Variants in PCDHA2 observed in about 807,000 individuals in gnomAD.
PCDHA2 encodes protocadherin alpha 2.
In PCDHA2, 58 loss-of-function variants were observed where a neutral mutation model predicts 66.0. The ratio of observed to expected loss-of-function variants is 0.88; its 90% confidence interval spans 0.71 to 1.09. PCDHA2 has a LOEUF of 1.09. Ranked by LOEUF, PCDHA2 falls within the 50% of genes least tolerant of loss-of-function variation. The probability of loss-of-function intolerance (pLI) is 0.00; values close to 1 mark genes in which losing one functional copy is unlikely to be tolerated. For synonymous variants in PCDHA2, 634 were observed against 554.0 expected, an observed-to-expected ratio of 1.14 and a Z score of -2.03; for missense variants, 1,267 against 1,242.3, an observed-to-expected ratio of 1.02 and a Z score of -0.30.
intron 1 of PCDHA2, chr5:140,871,080 G>A: frequency 6.2e-7 from 1 of 1,613,212 alleles, no homozygotes; most frequent in Non-Finnish European, 8.5e-7. Flanking sequence ...CGGCGCTGAC[G>A]GCCACGGCCA....
rs2150127505 is a variant in PCDHA2 at position 140,823,621 on chromosome 5, A to G, written c.2388+26269A>G. On this transcript the variant is annotated intron_variant, in intron 1 of 3. Transcript: ENST00000526136. ...GTATGAGCTGCAGCCAGCGCCTGGCAGTGCGCGCATCCCGTTCCGCGTGGG... is the reference window on the plus strand; with the variant it reads ...GTATGAGCTGCAGCCAGCGCCTGGCGGTGCGCGCATCCCGTTCCGCGTGGG... 5 of 1,613,864 alleles carry G rather than the reference A, an allele frequency of 3.1e-6. No individual in the cohort carries two copies. The highest frequency in any genetic ancestry group is 1.7e-5 in the Admixed American group (1 of 60,008).
intron 1 of PCDHA2, chr5:140,869,246 T>C (rs782232383): frequency 1.2e-6 from 2 of 1,613,640 alleles, no homozygotes. Flanking sequence ...GTGGGCCGCA[T>C]CGCGCAGGAC....
Position 140,795,915 on chromosome 5 carries a change from G to A in PCDHA2, c.951G>A (p.Glu317=). The change falls in exon 1 of 4, where the codon GAG becomes GAA. Residue 317 remains glutamate, a synonymous_variant. Coordinates refer to ENST00000526136, the MANE Select transcript of PCDHA2 (RefSeq NM_018905.3). ...ATTATGAAGAAGCAAAGTCCTACGAGATTCAGGTCACTGCAACTGACAAAG... is the reference window on the plus strand; with the variant it reads ...ATTATGAAGAAGCAAAGTCCTACGAAATTCAGGTCACTGCAACTGACAAAG... ...KLDYEEAKSY[E]IQVTATDKGT... The A allele has an allele frequency of 6.2e-7, 1 of 1,613,946 alleles. No homozygotes were observed. Among genetic ancestry groups the A allele is most frequent in the Non-Finnish European group, 8.5e-7 (1 of 1,179,906 alleles).
chr5:140,928,788 G>A, intron 1 of PCDHA2: 1 of 1,614,214 alleles, frequency 6.2e-7, no homozygotes, highest in South Asian at 1.1e-5. Flanking sequence ...CAGTTAAGCA[G>A]AGGGTGGTGG....
At chr5:140,964,118 C>G (rs1325218833) in intron 1 of PCDHA2, among the ~76,000 whole-genome samples, 1 of 151,942 alleles carries the variant, frequency 6.6e-6, no homozygotes, top group African/African-American at 2.4e-5. Flanking sequence ...CAATCACATT[C>G]TAACAACTAG....
intron 1 of PCDHA2, chr5:140,843,832 T>C (rs1176599211): frequency 8.9e-7 from 1 of 1,120,192 alleles, no homozygotes; most frequent in Non-Finnish European, 1.3e-6. Flanking sequence ...AAACATTGTT[T>C]AGTTTTTAGA....
At chr5:140,841,155 C>A in intron 1 of PCDHA2, 1 of 842,000 alleles carries the variant, frequency 1.2e-6, no homozygotes, top group Non-Finnish European at 1.8e-6. Flanking sequence ...TCGCTGTCTA[C>A]CAAGAAGTTC....
intron 1 of PCDHA2, chr5:140,836,529 C>T (rs2150262984): frequency 6.2e-7 from 1 of 1,613,824 alleles, no homozygotes; most frequent in Admixed American, 1.7e-5. Flanking sequence ...GCTTACCCTG[C>T]TGCTGTACAC....
chr5:140,870,504 C>G (rs782464928), intron 1 of PCDHA2: 18 of 1,614,232 alleles, frequency 1.1e-5, no homozygotes, highest in Non-Finnish European at 3.4e-6. Context: ...AGGAGAACAA[C>G]CCACCAGGCT....
At chr5:140,871,596 C>A in intron 1 of PCDHA2, 1 of 1,453,960 alleles carries the variant, frequency 6.9e-7, no homozygotes. Context: ...TATGAATAAC[C>A]AGTGTTTTGA....
intron 2 of PCDHA2, 29 bp downstream of exon 2, chr5:140,979,036 A>G: frequency 6.2e-7 from 1 of 1,613,064 alleles, no homozygotes. Context: ...ATTCACTCAG[A>G]AGTAACCTTA....
At chr5:140,987,592 G>T (rs150671243) in intron 3 of PCDHA2, among the ~76,000 whole-genome samples, 2 of 152,172 alleles carry the variant, frequency 1.3e-5, no homozygotes, top group African/African-American at 4.8e-5. Flanking sequence ...GAGAATAGTG[G>T]TGTCTACCTT....
At position 141,010,421 on chromosome 5, in the gene PCDHA2, A is replaced by T. The variant is rs1486731012; in HGVS notation, c.*484A>T. The T allele has an allele frequency of 8.7e-7, 1 of 1,148,142 alleles. No homozygotes were observed. Among genetic ancestry groups the T allele is most frequent in the Admixed American group, 2.9e-5 (1 of 34,726 alleles). The allele number at this position is 1,148,142 out of a possible 1,614,324, so 71.1% of individuals were successfully genotyped here. A position where few individuals can be genotyped will look rare whatever the true frequency, so the allele number is the denominator to read the frequency against. ...CAGCTTAGACTAATTGGTACAAGGAAGGCAAGAAAACAAAGACAAATAAAC... is the reference window on the plus strand; with the variant it reads ...CAGCTTAGACTAATTGGTACAAGGATGGCAAGAAAACAAAGACAAATAAAC... On this transcript the variant is annotated 3_prime_UTR_variant, in exon 4 of 4. Coordinates refer to ENST00000526136, the MANE Select transcript of PCDHA2 (RefSeq NM_018905.3).
At position 140,884,044 on chromosome 5, in the gene PCDHA2, G is replaced by T. The variant is rs374333847; in HGVS notation, c.2388+86692G>T. On this transcript the variant is annotated intron_variant, in intron 1 of 3. Coordinates refer to ENST00000526136, the MANE Select transcript of PCDHA2 (RefSeq NM_018905.3). ...CGGTGGGTGCAGGCCACGTGGTGGC[G>T]AAGGTGCGCGCGGTGGACGCCGATT... 2.5e-6 allele frequency: 4 copies of T among 1,613,476 alleles called. No homozygotes were observed. In the South Asian group the frequency reaches 3.3e-5, roughly 13 times the overall value.
chr5:140,910,519 G>A (rs187918127), intron 1 of PCDHA2, among the ~76,000 whole-genome samples: 18 of 152,218 alleles, frequency 1.2e-4, no homozygotes, highest in Non-Finnish European at 2.5e-4. Context: ...AAGGATGCAG[G>A]TACTCCCCTC....
chr5:140,861,259 G>A (rs1180244061), intron 1 of PCDHA2: 2 of 166,330 alleles, frequency 1.2e-5, no homozygotes, highest in Non-Finnish European at 2.6e-5. Flanking sequence ...AGGAATCCCG[G>A]AGCCTACAGC....
At chr5:140,985,310 TG>T (rs1563522847) in intron 3 of PCDHA2, among the ~76,000 whole-genome samples, 2 of 152,196 alleles carry the variant, frequency 1.3e-5, no homozygotes, top group African/African-American at 4.8e-5. Flanking sequence ...GATAGCCTGG[TG>T]GCCAGAATTC....
rs782038098 is a variant in PCDHA2 at position 140,796,064 on chromosome 5, C to G, written c.1100C>G (p.Thr367Ser). 44 of 1,614,122 alleles carry G rather than the reference C, an allele frequency of 2.7e-5. No individual in the cohort carries two copies. The highest frequency in any genetic ancestry group is 8.9e-5 in the East Asian group (4 of 44,898). ...LPISENASLG[T>S]VIALITVSDR... ...ATCTCAGAGAACGCTTCCCTGGGCA[C>G]TGTCATTGCTCTCATCACGGTGTCG... The change falls in exon 1 of 4, where the codon ACT becomes AGT. Residue 367 changes from threonine (T) to serine (S), a missense_variant. Physicochemically the swap from Thr to Ser is moderately conservative, Grantham distance 58. Transcript: ENST00000526136.
At position 140,796,497 on chromosome 5, in the gene PCDHA2, C is replaced by T. The variant is rs570971742; in HGVS notation, c.1533C>T (p.His511=). The change falls in exon 1 of 4, where the codon CAC becomes CAT. Residue 511 remains histidine (H), a synonymous_variant. Coordinates refer to ENST00000526136, the MANE Select transcript of PCDHA2 (RefSeq NM_018905.3). ...ERALSSYVSV[H]AESGKVYALQ... ...CGTTGTCGAGCTACGTTTCGGTGCA[C>T]GCGGAGAGCGGCAAGGTGTACGCGC... 271 of 1,612,286 alleles carry T rather than the reference C, an allele frequency of 1.7e-4. 1 individual carries two copies. Among genetic ancestry groups the T allele is most frequent in the South Asian group, 5.8e-4 (53 of 91,008 alleles).
Sources: gnomAD v4.1 joint callset for allele counts (sites outside exome capture counted in the v4.1 genomes callset) on GRCh38, gnomAD v4.1.1 for gene constraint, MANE v1.5 for transcripts, NCBI Gene and HGNC (gene_info 2026-07-23, HGNC 2026-07-21) for gene names.